Variants in GATA3 observed in about 807,000 individuals in gnomAD.
GATA3 encodes the protein trans-acting T-cell-specific transcription factor GATA-3.
Under a neutral mutation model 36.0 loss-of-function variants are expected in GATA3, and 6 were observed. That is an observed-to-expected ratio of 0.17 (90% CI 0.09 to 0.33). GATA3 has a LOEUF of 0.33. Among genes scored for constraint, GATA3 ranks in the 10% least tolerant of loss-of-function variants. The pLI, the probability that GATA3 is intolerant of heterozygous loss-of-function variation, is 1.00. For synonymous variants in GATA3, 326 were observed against 273.0 expected (o/e 1.19, Z -1.92); for missense variants, 514 against 610.1 (o/e 0.84, Z 1.66).
rs778053991 is a variant in GATA3, at chr10:8,064,149, G to A, written c.924+11G>A. ...CCCAAGCGAAGGCTGGTAAGTTCTC[G>A]GGAAGGGATGGATTCCATGCTGACC... On this transcript the variant is annotated intron_variant, in intron 4 of 5. Transcript: ENST00000379328. The A allele has an allele frequency of 6.2e-7, 1 of 1,614,062 alleles. No homozygotes were observed. Among genetic ancestry groups the A allele is most frequent in the Non-Finnish European group, 8.5e-7 (1 of 1,179,996 alleles).
chr10:8,055,479 A>G lies in GATA3; in HGVS notation c.-177A>G. 1 of 705,640 alleles carries G rather than the reference A, an allele frequency of 1.4e-6. No homozygotes were observed. Among genetic ancestry groups the G allele is most frequent in the Non-Finnish European group, 2.3e-6 (1 of 433,498 alleles). 43.7% of individuals were successfully genotyped at this position (705,640 alleles called of 1,614,324 possible). A position where few individuals can be genotyped will look rare whatever the true frequency, so the allele number is the denominator to read the frequency against. ...ACCCCTCCAAGATAATTTTTAAAAA[A>G]CCTTCTCCTTTGCTCACCTTTGCTT... On this transcript the variant is annotated 5_prime_UTR_variant, in exon 2 of 6. Transcript: ENST00000379328. This position sits in a 1 kb window ranked among gnomAD's most constrained non-coding sequence, Gnocchi z 5.4.
chr10:8,046,055 G>T (rs1008786225), intron 1 of GATA3, among the ~76,000 whole-genome samples: 2 of 152,200 alleles, frequency 1.3e-5, no homozygotes, highest in African/African-American at 2.4e-5. Context: ...GAAGCTAGGG[G>T]TCCGGAGGCT....
intron 2 of GATA3, among the ~76,000 whole-genome samples, chr10:8,057,746 G>T (rs552069997): frequency 1.3e-5 from 2 of 152,112 alleles, no homozygotes; most frequent in East Asian, 1.9e-4. Flanking sequence ...CTGTCCCAAG[G>T]CCTCTCCTTC....
chr10:8,056,060 G>T (rs1253716154), intron 2 of GATA3, among the ~76,000 whole-genome samples, 164 bp downstream of exon 2: 1 of 152,222 alleles, frequency 6.6e-6, no homozygotes, highest in East Asian at 1.9e-4. Context: ...GGCGAGGAAG[G>T]CCTCTGGCTC....
At chr10:8,069,289 G>A (rs186635690) in intron 4 of GATA3, among the ~76,000 whole-genome samples, 184 bp from the exon 5 acceptor site, 14 of 151,914 alleles carry the variant, frequency 9.2e-5, no homozygotes, top group African/African-American at 2.7e-4. Flanking sequence ...GTGGAGTGGC[G>A]ACATTTTTCT....
In GATA3 at chr10:8,058,232, G is replaced by A; in HGVS notation, c.242-73G>A. 5 of 1,515,536 alleles carry A rather than the reference G, an allele frequency of 3.3e-6. 1 individual carries two copies. The South Asian group carries it at 3.4e-5, about 10-fold the overall frequency. The allele number at this position is 1,515,536 out of a possible 1,614,324, so 93.9% of individuals were successfully genotyped here. On this transcript the variant is annotated intron_variant, in intron 2 of 5. Coordinates refer to ENST00000379328, the MANE Select transcript of GATA3 (RefSeq NM_001002295.2). Reference sequence around the variant, plus strand: ...GCCGATGCGAGGTAGAGATTCCCCAGGTGTCCCTGACGGCCTCCCAGGGCC... The same window carrying A: ...GCCGATGCGAGGTAGAGATTCCCCAAGTGTCCCTGACGGCCTCCCAGGGCC...
Position 8,054,851 on chromosome 10 carries a change from A to ACGC in GATA3, c.-402_-400dup, listed in dbSNP as rs1437653591. The ACGC allele has an allele frequency of 6.6e-6, 1 of 150,552 alleles. No homozygotes were observed. Among genetic ancestry groups the ACGC allele is most frequent in the African/African-American group, 2.5e-5 (1 of 40,616 alleles). The allele number at this position is 150,552 out of a possible 1,614,324, so 9.3% of individuals were successfully genotyped here. ...AACGCAATCTGACCGAGCAGGTCGTACGCCGCCGCCTCCTCCTCCTCTCTG... is the reference window on the plus strand; with the variant it reads ...AACGCAATCTGACCGAGCAGGTCGTACGCCGCCGCCGCCTCCTCCTCCTCTCTG... On this transcript the variant is annotated 5_prime_UTR_variant, in exon 1 of 6. Transcript: ENST00000379328. The surrounding 1 kb of genome is among the most constrained non-coding windows in gnomAD (Gnocchi z 4.2).
upstream of GATA3, chr10:8,050,967 C>T (rs1462243154): frequency 4.1e-6 from 2 of 483,394 alleles, no homozygotes; most frequent in African/African-American, 4.0e-5. Flanking sequence ...GCGGAGCTCG[C>T]CTGGAAGCGC....
At chr10:8,069,949 C>T (rs1384245673) in intron 5 of GATA3, among the ~76,000 whole-genome samples, 3 of 152,014 alleles carry the variant, frequency 2.0e-5, no homozygotes, top group African/African-American at 7.2e-5. Context: ...TTGTTGTTTC[C>T]TTACATTTTA....
upstream of GATA3, among the ~76,000 whole-genome samples, chr10:8,048,954 C>A (rs1329212992): frequency 1.8e-5 from 2 of 114,128 alleles, no homozygotes; most frequent in Admixed American, 9.3e-5. Flanking sequence ...GGGCTGGGGG[C>A]GGAGTGCGGG....
At chr10:8,060,583 G>C (rs1588380448) in intron 3 of GATA3, among the ~76,000 whole-genome samples, 1 of 151,952 alleles carries the variant, frequency 6.6e-6, no homozygotes, top group African/African-American at 2.4e-5. Flanking sequence ...AGGTTGGGGA[G>C]AGCTCGTGGT....
chr10:8,069,382 CTTT>C (rs35348503), intron 4 of GATA3, 88 bp from the exon 5 acceptor site: 177 of 1,056,908 alleles, frequency 1.7e-4, no homozygotes, highest in Non-Finnish European at 2.0e-4. Flanking sequence ...TTCTTCCTTC[CTTT>C]TTTTTTTTTT....
At chr10:8,062,852 G>C (rs574635769) in intron 3 of GATA3, among the ~76,000 whole-genome samples, 1 of 152,286 alleles carries the variant, frequency 6.6e-6, no homozygotes, top group East Asian at 1.9e-4. Flanking sequence ...GGGCGCTAGA[G>C]ACCCGTGTGT....
intron 4 of GATA3, 43 bp downstream of exon 4, chr10:8,064,181 G>C: frequency 6.2e-7 from 1 of 1,613,364 alleles, no homozygotes; most frequent in Non-Finnish European, 8.5e-7. Flanking sequence ...GACCATTCTG[G>C]GTTTCTCATT....
In GATA3 at chr10:8,055,629, C is replaced by A. The variant is rs765395344; in HGVS notation, c.-27C>A. On this transcript the variant is annotated 5_prime_UTR_variant, in exon 2 of 6. Transcript: ENST00000379328. This position sits in a 1 kb window ranked among gnomAD's most constrained non-coding sequence, Gnocchi z 5.4. ...CCCCGCGCGCGGGTTCCGGGCCCGG[C>A]GAGAGGGCGCGAGCACAGCCGAGGC... 4 of 1,544,498 alleles carry A rather than the reference C, an allele frequency of 2.6e-6. No individual in the cohort carries two copies. Among genetic ancestry groups the A allele is most frequent in the East Asian group, 2.4e-5 (1 of 40,962 alleles).
upstream of GATA3, chr10:8,052,459 C>T (rs967402529): frequency 5.3e-5 from 8 of 152,202 alleles, no homozygotes; most frequent in Non-Finnish European, 8.8e-5. Context: ...ATTTTCAAGA[C>T]CTGGCATCCG....
intron 1 of GATA3, among the ~76,000 whole-genome samples, chr10:8,047,725 G>A (rs1025822436): frequency 6.6e-6 from 1 of 152,192 alleles, no homozygotes; most frequent in Non-Finnish European, 1.5e-5. Flanking sequence ...AGGCACATGC[G>A]TCTGGTTGCT....
intron 3 of GATA3, among the ~76,000 whole-genome samples, chr10:8,060,650 G>T (rs1423564295): frequency 6.6e-6 from 1 of 152,006 alleles, no homozygotes; most frequent in African/African-American, 2.4e-5. Context: ...ACTTTTCCAA[G>T]ATACTCTGGT....
intron 2 of GATA3, among the ~76,000 whole-genome samples, chr10:8,056,592 T>C (rs937477669): frequency 1.3e-5 from 2 of 152,180 alleles, no homozygotes; most frequent in Non-Finnish European, 2.9e-5. Context: ...ATTTCCCAGA[T>C]TCCCGGCTGC....
Sources: gnomAD v4.1 joint callset for allele counts (sites outside exome capture counted in the v4.1 genomes callset) on GRCh38, gnomAD v4.1.1 for gene constraint, Gnocchi (gnomAD v3.1) non-coding constraint, MANE v1.5 for transcripts, NCBI Gene and HGNC (gene_info 2026-07-23, HGNC 2026-07-21) for gene names.